KSR2: variants seen among roughly 807,000 people sequenced by gnomAD.
KSR2 encodes kinase suppressor of ras 2.
In KSR2, 25 loss-of-function variants were observed where a neutral mutation model predicts 107.8. The observed-to-expected ratio is 0.23, with a 90% CI of 0.17 to 0.32. The LOEUF is 0.32. Among genes scored for constraint, KSR2 ranks in the 10% least tolerant of loss-of-function variants. KSR2 has a pLI of 1.00. For missense variants in KSR2, 887 were observed against 1,268.9 expected (o/e 0.70, Z 4.57); for synonymous variants, 480 against 507.0 (o/e 0.95, Z 0.71).
At chr12:117,957,851 A>G (rs1334077688) in intron 1 of KSR2, among the ~76,000 whole-genome samples, 1 of 130,002 alleles carries the variant, frequency 7.7e-6, no homozygotes, top group South Asian at 2.5e-4. Flanking sequence ...TTTTTTTTTT[A>G]AACTGAGTCT....
At chr12:117,527,304 C>T (rs866853131) in intron 12 of KSR2, among the ~76,000 whole-genome samples, 185 bp from the exon 13 acceptor site, 1 of 124,446 alleles carries the variant, frequency 8.0e-6, no homozygotes, top group African/African-American at 4.5e-5. Flanking sequence ...CACACACAGA[C>T]ACACACACAC....
At chr12:117,959,460 A>G (rs1896601178) in intron 1 of KSR2, among the ~76,000 whole-genome samples, 1 of 151,820 alleles carries the variant, frequency 6.6e-6, no homozygotes, top group Non-Finnish European at 1.5e-5. Context: ...TGCCCCATCC[A>G]CCCCACAACA....
At chr12:117,818,501 G>A (rs1891453775) in intron 3 of KSR2, among the ~76,000 whole-genome samples, 1 of 152,210 alleles carries the variant, frequency 6.6e-6, no homozygotes, top group Admixed American at 6.5e-5. Flanking sequence ...TCACAGCACA[G>A]CCTATGGGTA....
chr12:117,804,332 C>T (rs948227455), intron 3 of KSR2, among the ~76,000 whole-genome samples: 7 of 152,268 alleles, frequency 4.6e-5, no homozygotes, highest in Admixed American at 2.0e-4. Flanking sequence ...CGTGAGCCAC[C>T]GCACCCGGCC....
chr12:117,552,392 T>C (rs1180171893), intron 9 of KSR2, among the ~76,000 whole-genome samples: 1 of 152,212 alleles, frequency 6.6e-6, no homozygotes, highest in Non-Finnish European at 1.5e-5. Flanking sequence ...TTCTTCCCGT[T>C]GAATCTGAGC....
chr12:117,689,477 C>A (rs1281252305), intron 4 of KSR2, among the ~76,000 whole-genome samples: 1 of 152,242 alleles, frequency 6.6e-6, no homozygotes, highest in African/African-American at 2.4e-5. Flanking sequence ...GTCTCCACTG[C>A]AACTACTCGA....
At chr12:117,819,916 T>TA (rs1001372366) in intron 3 of KSR2, among the ~76,000 whole-genome samples, 12 of 152,178 alleles carry the variant, frequency 7.9e-5, no homozygotes, top group Non-Finnish European at 1.8e-4. Context: ...TCTGCTTTGT[T>TA]AAAAATGCAT....
At chr12:117,618,334 G>A (rs745622162) in intron 5 of KSR2, among the ~76,000 whole-genome samples, 1 of 151,930 alleles carries the variant, frequency 6.6e-6, no homozygotes, top group African/African-American at 2.4e-5. Context: ...CCTTCTGCTT[G>A]ATGGAACTTG....
intron 1 of KSR2, among the ~76,000 whole-genome samples, chr12:117,884,893 C>A (rs1316179101): frequency 6.6e-6 from 1 of 152,158 alleles, no homozygotes; most frequent in Non-Finnish European, 1.5e-5. Context: ...TCACCAGCAA[C>A]AAATGGATTA....
At position 117,761,441 on chromosome 12, in the gene KSR2, C is replaced by T. The variant is rs1196235962; in HGVS notation, c.556G>A (p.Glu186Lys). The change falls in exon 4 of 20, where the codon GAG becomes AAG. Residue 186 changes from glutamate to lysine, a missense_variant. Physicochemically the swap from Glu to Lys is moderately conservative, Grantham distance 56 (BLOSUM62 1). Coordinates refer to ENST00000339824, the MANE Select transcript of KSR2 (RefSeq NM_173598.6). ...TGGGTGCGGATCCACGGGGTGGGCT[C>T]CGGGGGGCACACGGGATTGTTCTCC... ...GKENNPVCPP[E>K]PTPWIRTHLS... 2 of 1,612,794 alleles carry T rather than the reference C, an allele frequency of 1.2e-6. No individual in the cohort carries two copies. The highest frequency in any genetic ancestry group is 1.7e-6 in the Non-Finnish European group (2 of 1,179,558).
chr12:117,795,501 G>A (rs182547632), intron 3 of KSR2, among the ~76,000 whole-genome samples: 48 of 152,268 alleles, frequency 3.2e-4, no homozygotes, highest in Non-Finnish European at 4.4e-4. Context: ...CTCTGGAAAG[G>A]ACCCAGAATC....
At chr12:117,894,228 C>T (rs2137368729) in intron 1 of KSR2, among the ~76,000 whole-genome samples, 1 of 152,066 alleles carries the variant, frequency 6.6e-6, no homozygotes, top group South Asian at 2.1e-4. Context: ...TAAATAAAGA[C>T]AGGCTCTAAT....
chr12:117,532,047 A>AT (rs1454100743), intron 10 of KSR2, among the ~76,000 whole-genome samples: 41 of 152,166 alleles, frequency 2.7e-4, no homozygotes, highest in African/African-American at 8.9e-4. Flanking sequence ...CAAAATATTA[A>AT]TTTTTTCCCC....
intron 3 of KSR2, among the ~76,000 whole-genome samples, chr12:117,791,891 T>C (rs1890263941): frequency 6.6e-6 from 1 of 152,238 alleles, no homozygotes; most frequent in African/African-American, 2.4e-5. Context: ...ACTTCTCTTC[T>C]ACTTCTCTCC....
chr12:117,763,249 C>T (rs1475838544), intron 3 of KSR2, among the ~76,000 whole-genome samples: 1 of 151,806 alleles, frequency 6.6e-6, no homozygotes, highest in Non-Finnish European at 1.5e-5. Flanking sequence ...CATAGTATTC[C>T]ATGGTGTATA....
chr12:117,852,662 A>C (rs1345291532), intron 3 of KSR2, among the ~76,000 whole-genome samples: 1 of 152,214 alleles, frequency 6.6e-6, no homozygotes, highest in Non-Finnish European at 1.5e-5. Context: ...CTCCCGGATG[A>C]GACAACATGA....
intron 1 of KSR2, among the ~76,000 whole-genome samples, chr12:117,881,754 T>C (rs1315126533): frequency 6.6e-6 from 1 of 152,186 alleles, no homozygotes; most frequent in Non-Finnish European, 1.5e-5. Context: ...CTGCTGTCTT[T>C]CCACAAGCCA....
At chr12:117,487,839 G>T (rs755994334) in intron 14 of KSR2, among the ~76,000 whole-genome samples, 13 of 152,078 alleles carry the variant, frequency 8.5e-5, no homozygotes, top group Admixed American at 1.3e-4. Context: ...TCTCACTCCC[G>T]TATGACCTCA....
rs769988631 is a variant in KSR2 at position 117,600,829 on chromosome 12, G to C, written c.1172-18470C>G. 4.7e-4 allele frequency among the ~76,000 whole-genome samples: 71 copies of C among 152,110 alleles called. 1 individual carries two copies. Among genetic ancestry groups the C allele is most frequent in the Non-Finnish European group, 8.7e-4 (59 of 68,022 alleles). On this transcript the variant is annotated intron_variant, in intron 5 of 19. Transcript: ENST00000339824. ...ATCCCTAGATATCACCCTGGGGAGA[G>C]GGCAGGCAAAAGATGTTCTCTGTAC...
Sources: gnomAD v4.1 joint callset for allele counts (sites outside exome capture counted in the v4.1 genomes callset) on GRCh38, gnomAD v4.1.1 for gene constraint, MANE v1.5 for transcripts, NCBI Gene and HGNC (gene_info 2026-07-23, HGNC 2026-07-21) for gene names.